TRANK1: variants seen among roughly 807,000 people sequenced by gnomAD.
The protein encoded by TRANK1 is TPR and ankyrin repeat-containing protein 1.
TRANK1 carries 198 observed loss-of-function variants against 266.0 expected under a neutral mutation model. The observed-to-expected ratio is 0.74, with a 90% CI of 0.66 to 0.84. The LOEUF (loss-of-function observed/expected upper bound fraction) is 0.84, where lower values mean the gene tolerates loss of function less well. Ranked by LOEUF, TRANK1 falls within the 40% of genes least tolerant of loss-of-function variation. TRANK1 has a pLI of 0.00. For missense variants in TRANK1, 3,326 were observed against 3,634.6 expected (o/e 0.92, Z 2.18); for synonymous variants, 1,396 against 1,384.1 (o/e 1.01, Z -0.19).
chr3:36,937,847 A>C lies in TRANK1; in HGVS notation c.23+6940T>G, dbSNP rs536309504. Among the ~76,000 whole-genome samples the C allele has an allele frequency of 1.4e-4, 21 of 152,360 alleles. No individual in the cohort carries two copies. In the South Asian group the frequency reaches 4.3e-3, roughly 32 times the overall value. On this transcript the variant is annotated intron_variant, in intron 1 of 23. Coordinates refer to ENST00000645898, the MANE Select transcript of TRANK1 (RefSeq NM_001329998.2). ...GGAGTACACCAGGCACTCCAGTGAC[A>C]GCCATTAAACAAAGATGTTTTCTAA...
Position 36,874,257 on chromosome 3 carries a change from G to T in TRANK1, c.947C>A (p.Ala316Glu), listed in dbSNP as rs1273462009. The change falls in exon 9 of 24, where the codon GCA becomes GAA. Residue 316 changes from alanine to glutamate, a missense_variant. By Grantham distance (107) the Ala-to-Glu change is moderately radical. Transcript: ENST00000645898. ...EDVQMLLRFG[A>E]DPTLLDRQSR... ...CTGTCGATCCAGCAAAGTGGGATCT[G>T]CCCCAAAGCGCAGGAGCATCTGCAC... 7.8e-6 allele frequency: 12 copies of T among 1,537,054 alleles called. No individual in the cohort carries two copies. The highest frequency in any genetic ancestry group is 1.0e-5 in the Non-Finnish European group (12 of 1,146,894).
intron 9 of TRANK1, among the ~76,000 whole-genome samples, chr3:36,866,082 AAG>A (rs1020493602): frequency 2.6e-4 from 40 of 151,510 alleles, no homozygotes; most frequent in African/African-American, 8.3e-4. Context: ...GAAAGAAAGA[AAG>A]AAAGAAAGAA....
chr3:36,881,254 C>T (rs2079527377), intron 8 of TRANK1, among the ~76,000 whole-genome samples: 1 of 152,002 alleles, frequency 6.6e-6, no homozygotes, highest in East Asian at 1.9e-4. Flanking sequence ...GAGTTCAAGA[C>T]CAAACTGGCC....
chr3:36,923,828 C>A (rs1377629096), intron 1 of TRANK1, among the ~76,000 whole-genome samples: 2 of 152,172 alleles, frequency 1.3e-5, no homozygotes, highest in African/African-American at 4.8e-5. Context: ...GGGTGAGGGA[C>A]CTGGGTTCAC....
intron 1 of TRANK1, among the ~76,000 whole-genome samples, chr3:36,923,447 G>A (rs983881328): frequency 1.3e-5 from 2 of 151,958 alleles, no homozygotes; most frequent in African/African-American, 4.8e-5. Context: ...GTATAGACGG[G>A]GTTTCACCAT....
At chr3:36,904,512 C>T (rs890737394) in intron 2 of TRANK1, among the ~76,000 whole-genome samples, 4 of 143,204 alleles carry the variant, frequency 2.8e-5, no homozygotes. Flanking sequence ...CAGCAAGACT[C>T]CGTCTCAAAA....
At chr3:36,902,868 C>T (rs1429984707) in intron 3 of TRANK1, among the ~76,000 whole-genome samples, 2 of 152,260 alleles carry the variant, frequency 1.3e-5, no homozygotes, top group African/African-American at 4.8e-5. Flanking sequence ...GCTGTTCCTA[C>T]AAAGTGCATT....
chr3:36,912,686 G>A (rs1294704849), intron 1 of TRANK1, among the ~76,000 whole-genome samples: 2 of 152,106 alleles, frequency 1.3e-5, no homozygotes, highest in Non-Finnish European at 2.9e-5. Context: ...AGGTGGTTGT[G>A]GGTTTTATGA....
intron 22 of TRANK1, among the ~76,000 whole-genome samples, chr3:36,829,937 C>A (rs556926763): frequency 1.3e-5 from 2 of 152,324 alleles, no homozygotes; most frequent in South Asian, 2.1e-4. Flanking sequence ...TGTCATTAAA[C>A]CTTAAACTGG....
In TRANK1 at chr3:36,857,382, G is replaced by T. The variant is rs2079072378; in HGVS notation, c.2340C>A (p.Ala780=). 1.2e-6 allele frequency: 2 copies of T among 1,610,484 alleles called. No individual in the cohort carries two copies. The highest frequency in any genetic ancestry group is 2.7e-5 in the African/African-American group (2 of 74,818). Residue 780 remains alanine (A), a synonymous_variant, in exon 13 of 24, where the codon GCC becomes GCA. Transcript: ENST00000645898. This position sits in a 1 kb window ranked among gnomAD's most constrained non-coding sequence, Gnocchi z 4.3. ...KDDKPTLGAG[A]PDCSEVGEGH... ...CTTCCCCCACCTCACTACAGTCAGG[G>T]GCCCCTGCACCCAGAGTCGGCTTGT... is the stretch of plus-strand genomic sequence containing the variant.
Position 36,856,799 on chromosome 3 carries a change from T to C in TRANK1, c.2923A>G (p.Lys975Glu), listed in dbSNP as rs1238654930. 6.8e-6 allele frequency: 11 copies of C among 1,613,908 alleles called. No individual in the cohort carries two copies. The highest frequency in any genetic ancestry group is 9.3e-6 in the Non-Finnish European group (11 of 1,179,904). The change falls in exon 13 of 24, where the codon AAA becomes GAA. Residue 975 changes from lysine to glutamate, a missense_variant. Physicochemically the swap from Lys to Glu is moderately conservative, Grantham distance 56. Transcript: ENST00000645898. ...GACACTTGGCCTTTATTGATACCTT[T>C]CAGCTTCTTCCGCAGGACACAGGAC... ...GLSCVLRKKL[K>E]GINKGQVSAN...
chr3:36,896,358 A>C (rs1249783840), intron 4 of TRANK1, among the ~76,000 whole-genome samples: 1 of 152,258 alleles, frequency 6.6e-6, no homozygotes, highest in East Asian at 1.9e-4. Context: ...CCAAGGGGAC[A>C]GGTCAAGACT....
intron 7 of TRANK1, among the ~76,000 whole-genome samples, chr3:36,891,000 A>G (rs1418874938): frequency 2.6e-5 from 4 of 152,224 alleles, no homozygotes; most frequent in Non-Finnish European, 5.9e-5. Flanking sequence ...GCTTTCAATC[A>G]GGCTTTACTT....
chr3:36,828,659 A>G (rs6765722), intron 23 of TRANK1, among the ~76,000 whole-genome samples: 151,292 of 152,354 alleles, frequency 0.99, 75,119 homozygotes, highest in Middle Eastern at 1. Context: ...AAAAGAGTCA[A>G]AGTAAACACC....
Position 36,899,155 on chromosome 3 carries a change from C to G in TRANK1, c.387G>C (p.Gln129His), listed in dbSNP as rs2079838397. Residue 129 changes from glutamine (Q) to histidine (H), a missense_variant, in exon 4 of 24, where the codon CAG becomes CAC. Coordinates refer to ENST00000645898, the MANE Select transcript of TRANK1 (RefSeq NM_001329998.2). ...GLRLVQRSQD[Q>H]APVADFLVGV... Reference sequence around the variant, plus strand: ...CAACAAGGAAATCAGCAACCGGTGCCTGGTCTTGGCTTCTCTGCACAAGTC... The same window carrying G: ...CAACAAGGAAATCAGCAACCGGTGCGTGGTCTTGGCTTCTCTGCACAAGTC... 6.5e-7 allele frequency: 1 copy of G among 1,537,286 alleles called. No individual in the cohort carries two copies. Among genetic ancestry groups the G allele is most frequent in the Non-Finnish European group, 8.7e-7 (1 of 1,146,930 alleles).
In TRANK1 at chr3:36,832,146, G is replaced by A. The variant is rs1420846006; in HGVS notation, c.7437C>T (p.Pro2479=). 6.2e-7 allele frequency: 1 copy of A among 1,613,944 alleles called. No homozygotes were observed. Among genetic ancestry groups the A allele is most frequent in the South Asian group, 1.1e-5 (1 of 91,072 alleles). The change falls in exon 22 of 24, where the codon CCC becomes CCT. Residue 2479 remains proline, a synonymous_variant. Transcript: ENST00000645898. ...AGTGCAAGAGTGCAATGTAGCTCTT[G>A]GGGAGGCATAGAATGACATTCTTCC... ...RLWKNVILCL[P]KSYIALLHYW... is the part of the protein sequence containing the mutation.
Position 36,891,612 on chromosome 3 carries a change from GC to G in TRANK1, c.775+589del, listed in dbSNP as rs1439684036. ...ACTTCTATCTAAAGTGTGAGTGTGT[GC>G]ATATGTGTGTGTTAATGATAAAATA... On this transcript the variant is annotated intron_variant, in intron 7 of 23. Transcript: ENST00000645898. Among the ~76,000 whole-genome samples the G allele has an allele frequency of 3.3e-5, 5 of 152,238 alleles. No individual in the cohort carries two copies. The East Asian group carries it at 7.7e-4, about 23-fold the overall frequency.
chr3:36,897,706 T>C (rs1253061574), intron 4 of TRANK1, among the ~76,000 whole-genome samples: 1 of 152,258 alleles, frequency 6.6e-6, no homozygotes, highest in Non-Finnish European at 1.5e-5. Flanking sequence ...ATCTCTGAAA[T>C]CAGGATGTCT....
intron 1 of TRANK1, among the ~76,000 whole-genome samples, chr3:36,929,811 C>G (rs1440654975): frequency 3.9e-5 from 6 of 152,240 alleles, no homozygotes; most frequent in Non-Finnish European, 8.8e-5. Context: ...ATGACAAGAA[C>G]TCTTTGACTG....
Sources: gnomAD v4.1 joint callset for allele counts (sites outside exome capture counted in the v4.1 genomes callset) on GRCh38, gnomAD v4.1.1 for gene constraint, Gnocchi (gnomAD v3.1) non-coding constraint, MANE v1.5 for transcripts, NCBI Gene and HGNC (gene_info 2026-07-23, HGNC 2026-07-21) for gene names.